The following PITPNC1 variants were observed in gnomAD, a reference collection of about 807,000 sequenced individuals.
PITPNC1 encodes the protein phosphatidylinositol transfer protein cytoplasmic 1.
PITPNC1 carries 18 observed loss-of-function variants against 44.7 expected under a neutral mutation model. The ratio of observed to expected loss-of-function variants is 0.40; its 90% CI spans 0.28 to 0.60. PITPNC1 has a LOEUF of 0.60. PITPNC1 is among the 20% of genes least tolerant of loss of function. The pLI, the probability that PITPNC1 is intolerant of heterozygous loss-of-function variation, is 0.39. For missense variants in PITPNC1, 290 were observed against 418.4 expected (o/e 0.69, Z 2.68); for synonymous variants, 141 against 149.6 (o/e 0.94, Z 0.42).
chr17:67,536,813 T>TA (rs2040537192), intron 2 of PITPNC1, among the ~76,000 whole-genome samples: 1 of 152,182 alleles, frequency 6.6e-6, no homozygotes, highest in Admixed American at 6.5e-5. Context: ...TCCTCCTTGA[T>TA]AAAAAGAGGG....
intron 1 of PITPNC1, among the ~76,000 whole-genome samples, chr17:67,477,142 C>T (rs555661422): frequency 5.9e-5 from 9 of 151,908 alleles, no homozygotes; most frequent in African/African-American, 2.4e-5. Context: ...ATGGCATGAT[C>T]GCAGCACACT....
At chr17:67,531,571 C>A (rs900771161) in intron 1 of PITPNC1, among the ~76,000 whole-genome samples, 1 of 152,208 alleles carries the variant, frequency 6.6e-6, no homozygotes, top group Non-Finnish European at 1.5e-5. Flanking sequence ...GAAAGAGAAA[C>A]CTTCGGGCAC....
chr17:67,390,600 C>T (rs2038124257), intron 1 of PITPNC1, among the ~76,000 whole-genome samples: 3 of 152,208 alleles, frequency 2.0e-5, no homozygotes, highest in South Asian at 4.1e-4. Context: ...TGTCCTTAAG[C>T]CTTCCCATCA....
chr17:67,650,441 CTTTT>C (rs34611864), intron 6 of PITPNC1, among the ~76,000 whole-genome samples: 3 of 70,994 alleles, frequency 4.2e-5, no homozygotes, highest in African/African-American at 1.3e-4. Context: ...AAACCATAGG[CTTTT>C]TTTTTTTTTT....
intron 1 of PITPNC1, among the ~76,000 whole-genome samples, chr17:67,494,003 C>G: frequency 6.6e-6 from 1 of 152,162 alleles, no homozygotes; most frequent in East Asian, 1.9e-4. Context: ...TGCCAGTCCC[C>G]AGGGATAGAG....
At chr17:67,545,976 G>A (rs566898332) in intron 2 of PITPNC1, among the ~76,000 whole-genome samples, 66 of 152,174 alleles carry the variant, frequency 4.3e-4, no homozygotes, top group Non-Finnish European at 8.5e-4. Flanking sequence ...TTGGGAGCCC[G>A]AGGTGGGTGG....
At chr17:67,547,421 C>T (rs961000385) in intron 2 of PITPNC1, among the ~76,000 whole-genome samples, 1 of 152,040 alleles carries the variant, frequency 6.6e-6, no homozygotes, top group African/African-American at 2.4e-5. Flanking sequence ...GAGGCCAAGG[C>T]AGGAGGATCA....
Position 67,687,782 on chromosome 17 carries a change from G to T in PITPNC1, c.683-4790G>T, listed in dbSNP as rs1012251559. Among the ~76,000 whole-genome samples, 10 of 152,224 alleles carry T rather than the reference G, an allele frequency of 6.6e-5. No homozygotes were observed. In the East Asian group the frequency reaches 1.7e-3, roughly 26 times the overall value. On this transcript the variant is annotated intron_variant, in intron 8 of 8. Transcript: ENST00000581322. ...TGCCTAGCAGATCCCTGGGACTTAG[G>T]GTAAGCCTTAGAGAGCCTCAGTTAT...
intron 1 of PITPNC1, among the ~76,000 whole-genome samples, chr17:67,387,870 A>G (rs549246796): frequency 6.6e-6 from 1 of 151,814 alleles, no homozygotes; most frequent in Admixed American, 6.6e-5. Flanking sequence ...CTTTTCACTT[A>G]TTTTTTTCAC....
intron 2 of PITPNC1, among the ~76,000 whole-genome samples, chr17:67,535,512 A>G (rs2040515583): frequency 6.6e-6 from 1 of 152,238 alleles, no homozygotes; most frequent in Non-Finnish European, 1.5e-5. Context: ...GCTGAAACAC[A>G]ATAAGAGGCA....
intron 1 of PITPNC1, among the ~76,000 whole-genome samples, chr17:67,434,570 GGAGGCCGAGGCAGGTGGATCTCTT>G (rs2038904542): frequency 6.6e-6 from 1 of 152,178 alleles, no homozygotes; most frequent in African/African-American, 2.4e-5. Flanking sequence ...CAGCACTTTG[GGAGGCCGAGGCAGGTGGATCTCTT>G]GAGGCCAGGA....
At position 67,532,771 on chromosome 17, in the gene PITPNC1, T is replaced by C. The variant is rs1420558457; in HGVS notation, c.49-31T>C. The stretch of plus-strand genomic sequence containing the variant: ...GGATGTCAGGGGCACGCTGTGGGGC[T>C]GACCTTTCTGTCTCTGACTCTGTTT... On this transcript the variant is annotated intron_variant, in intron 1 of 8. Coordinates refer to ENST00000581322, the MANE Select transcript of PITPNC1 (RefSeq NM_012417.4). The C allele has an allele frequency of 1.9e-6, 3 of 1,538,658 alleles. No homozygotes were observed. In the South Asian group the frequency reaches 3.6e-5, roughly 19 times the overall value.
chr17:67,431,415 C>T (rs1407997098), intron 1 of PITPNC1, among the ~76,000 whole-genome samples: 4 of 152,114 alleles, frequency 2.6e-5, no homozygotes, highest in Non-Finnish European at 5.9e-5. Flanking sequence ...CCACCCTTTA[C>T]CGCTGAGTCA....
At chr17:67,455,606 T>TG (rs1294843676) in intron 1 of PITPNC1, among the ~76,000 whole-genome samples, 13 of 140,336 alleles carry the variant, frequency 9.3e-5, no homozygotes, top group Admixed American at 6.5e-4. Context: ...TTTTTTTTTG[T>TG]TTTTTTTGTA....
intron 2 of PITPNC1, among the ~76,000 whole-genome samples, chr17:67,541,399 C>T (rs1340378610): frequency 6.6e-6 from 1 of 151,908 alleles, no homozygotes; most frequent in Non-Finnish European, 1.5e-5. Flanking sequence ...ACACTGATAA[C>T]TTTGCAATGG....
chr17:67,567,138 T>C (rs2040990421), intron 4 of PITPNC1, among the ~76,000 whole-genome samples: 1 of 152,216 alleles, frequency 6.6e-6, no homozygotes, highest in Non-Finnish European at 1.5e-5. Flanking sequence ...TGTGGAATGT[T>C]GGCCAGGTCT....
intron 1 of PITPNC1, among the ~76,000 whole-genome samples, chr17:67,442,480 G>A (rs1263815857): frequency 4.0e-5 from 6 of 151,052 alleles, no homozygotes; most frequent in Non-Finnish European, 7.4e-5. Flanking sequence ...ACAAGAACAA[G>A]CATATCTTTA....
At chr17:67,582,049 A>T (rs1427753504) in intron 5 of PITPNC1, among the ~76,000 whole-genome samples, 1 of 152,188 alleles carries the variant, frequency 6.6e-6, no homozygotes, top group Admixed American at 6.5e-5. Flanking sequence ...AAAAGAAAAG[A>T]AAAGAAAAGG....
chr17:67,574,063 G>A (rs1308119215), intron 4 of PITPNC1, among the ~76,000 whole-genome samples: 2 of 152,188 alleles, frequency 1.3e-5, no homozygotes, highest in Non-Finnish European at 2.9e-5. Flanking sequence ...CCAGAGAAGA[G>A]CTTACAAATA....
Sources: gnomAD v4.1 joint callset for allele counts (sites outside exome capture counted in the v4.1 genomes callset) on GRCh38, gnomAD v4.1.1 for gene constraint, MANE v1.5 for transcripts, NCBI Gene and HGNC (gene_info 2026-07-23, HGNC 2026-07-21) for gene names.